The following RSF1 variants were observed in gnomAD, a reference collection of about 807,000 sequenced individuals.
The protein encoded by RSF1 is remodeling and spacing factor 1.
A neutral mutation model predicts 145.2 loss-of-function variants in RSF1; 13 were observed. That is an observed-to-expected ratio of 0.09 (90% CI 0.06 to 0.14). The LOEUF (loss-of-function observed/expected upper bound fraction) is 0.14, where lower values mean the gene tolerates loss of function less well. Ranked by LOEUF, RSF1 falls within the 10% of genes least tolerant of loss-of-function variation. The pLI is 1.00. For synonymous variants in RSF1, 577 were observed against 592.6 expected (o/e 0.97, Z 0.38); for missense variants, 1,517 against 1,718.2 (o/e 0.88, Z 2.07).
At chr11:77,846,347 G>T in the RSF1 span, among the ~76,000 whole-genome samples, 1 of 152,166 alleles carries the variant, frequency 6.6e-6, no homozygotes, top group Non-Finnish European at 1.5e-5. Flanking sequence ...AGCTGGGCAT[G>T]GTGGCTCACG....
At chr11:77,789,480 A>G (rs772063493) in intron 1 of RSF1, among the ~76,000 whole-genome samples, 1 of 152,226 alleles carries the variant, frequency 6.6e-6, no homozygotes, top group Admixed American at 6.5e-5. Flanking sequence ...AGCAAGGCAC[A>G]GGCTACCTCT....
chr11:77,728,348 C>G (rs1426651252), intron 4 of RSF1, among the ~76,000 whole-genome samples: 1 of 152,072 alleles, frequency 6.6e-6, no homozygotes, highest in Non-Finnish European at 1.5e-5. Context: ...TTATATTACA[C>G]GGATAAACTT....
chr11:77,849,901 T>A, the RSF1 span, among the ~76,000 whole-genome samples: 1 of 152,184 alleles, frequency 6.6e-6, no homozygotes, highest in South Asian at 2.1e-4. Flanking sequence ...AGATGCTTAC[T>A]CCCTTCCCTT....
chr11:77,813,488 G>T, intron 1 of RSF1: 2 of 940,614 alleles, frequency 2.1e-6, no homozygotes, highest in Non-Finnish European at 3.4e-6. Flanking sequence ...TTTCTGTAGT[G>T]ATTCTCAAAG....
At chr11:77,818,652 A>G (rs1445173416) in intron 1 of RSF1, among the ~76,000 whole-genome samples, 2 of 152,006 alleles carry the variant, frequency 1.3e-5, no homozygotes, top group African/African-American at 2.4e-5. Flanking sequence ...GGTGGTGCAC[A>G]CCTGTAATCC....
intron 6 of RSF1, among the ~76,000 whole-genome samples, chr11:77,699,538 T>C (rs915883829): frequency 8.5e-5 from 13 of 152,196 alleles, no homozygotes; most frequent in Admixed American, 2.6e-4. Context: ...TAAATTCCCA[T>C]AGACTAGCAA....
intron 2 of RSF1, among the ~76,000 whole-genome samples, chr11:77,748,789 T>A (rs573745990): frequency 6.6e-6 from 1 of 152,198 alleles, no homozygotes. Flanking sequence ...AGCTACCATA[T>A]GACTTAGCCA....
chr11:77,715,165 A>T (rs1960777557), intron 5 of RSF1, among the ~76,000 whole-genome samples: 1 of 152,178 alleles, frequency 6.6e-6, no homozygotes, highest in Admixed American at 6.5e-5. Context: ...TAGAGGAGTT[A>T]AAAAATTATT....
upstream of RSF1, among the ~76,000 whole-genome samples, chr11:77,824,984 G>T (rs1190207372): frequency 6.6e-6 from 1 of 151,748 alleles, no homozygotes; most frequent in Non-Finnish European, 1.5e-5. Flanking sequence ...TTTTGTTGTT[G>T]TTGTTTTTCT....
chr11:77,861,446 A>G, the RSF1 span, among the ~76,000 whole-genome samples: 1 of 152,172 alleles, frequency 6.6e-6, no homozygotes, highest in Non-Finnish European at 1.5e-5. Flanking sequence ...AGAGACAGTT[A>G]ACCTCCTGGC....
chr11:77,676,660 C>T, intron 13 of RSF1, 132 bp downstream of exon 13: 1 of 655,742 alleles, frequency 1.5e-6, no homozygotes, highest in Non-Finnish European at 2.5e-6. Flanking sequence ...TTTAAATATC[C>T]TGAAAATAAA....
At chr11:77,769,731 T>C (rs1948262930) in intron 1 of RSF1, among the ~76,000 whole-genome samples, 1 of 152,260 alleles carries the variant, frequency 6.6e-6, no homozygotes, top group Non-Finnish European at 1.5e-5. Flanking sequence ...TGCAATTCTA[T>C]TGTGTTACTT....
the RSF1 span, among the ~76,000 whole-genome samples, chr11:77,837,110 TTTTG>T: frequency 4.6e-5 from 7 of 152,218 alleles, no homozygotes; most frequent in East Asian, 1.9e-4. Flanking sequence ...CTGTGTTGTT[TTTTG>T]TTTGAGTTTT....
At chr11:77,736,032 C>T (rs977006052) in intron 4 of RSF1, among the ~76,000 whole-genome samples, 1 of 152,220 alleles carries the variant, frequency 6.6e-6, no homozygotes, top group East Asian at 1.9e-4. Context: ...CCGCCGCACC[C>T]GGCCATCACT....
chr11:77,697,514 A>G (rs1960310292), intron 7 of RSF1, among the ~76,000 whole-genome samples: 3 of 31,972 alleles, frequency 9.4e-5, no homozygotes, highest in Non-Finnish European at 1.1e-4. Context: ...TATATAAAAT[A>G]TATTTATATA....
intron 11 of RSF1, among the ~76,000 whole-genome samples, chr11:77,683,051 G>A (rs960645663): frequency 2.6e-5 from 4 of 152,164 alleles, no homozygotes; most frequent in African/African-American, 7.2e-5. Flanking sequence ...CCAGCACTTC[G>A]GGAGGCTGAA....
At chr11:77,834,995 C>A in the RSF1 span, among the ~76,000 whole-genome samples, 1 of 152,064 alleles carries the variant, frequency 6.6e-6, no homozygotes, top group African/African-American at 2.4e-5. Context: ...AAAAAAGTAA[C>A]AACAAAAATC....
intron 3 of RSF1, among the ~76,000 whole-genome samples, chr11:77,741,879 A>T (rs990122687): frequency 6.6e-6 from 1 of 152,202 alleles, no homozygotes; most frequent in African/African-American, 2.4e-5. Flanking sequence ...GGTAATCACC[A>T]ATCTACTGTG....
intron 5 of RSF1, 151 bp from the exon 6 acceptor site, chr11:77,702,646 G>A: frequency 2.2e-6 from 1 of 455,796 alleles, no homozygotes; most frequent in Non-Finnish European, 3.6e-6. Context: ...AATAAAATCT[G>A]ACAATGAAGA....
Sources: gnomAD v4.1 joint callset for allele counts (sites outside exome capture counted in the v4.1 genomes callset) on GRCh38, gnomAD v4.1.1 for gene constraint, MANE v1.5 for transcripts, NCBI Gene and HGNC (gene_info 2026-07-23, HGNC 2026-07-21) for gene names.